The following LASP1 variants were observed in gnomAD, a reference collection of about 807,000 sequenced individuals.
LASP1 encodes the protein LIM and SH3 domain protein 1.
Under a neutral mutation model 38.6 loss-of-function variants are expected in LASP1, and 10 were observed. That is an observed-to-expected ratio of 0.26 (90% CI 0.16 to 0.44). The LOEUF (loss-of-function observed/expected upper bound fraction) is 0.44, where lower values mean the gene tolerates loss of function less well. Among genes scored for constraint, LASP1 ranks in the 20% least tolerant of loss-of-function variants. The probability of loss-of-function intolerance (pLI) is 1.00; values close to 1 mark genes in which losing one functional copy is unlikely to be tolerated. For missense variants in LASP1, 243 were observed against 375.7 expected (o/e 0.65, Z 2.92); for synonymous variants, 132 against 140.8 (o/e 0.94, Z 0.44).
At chr17:38,911,493 T>C (rs1362103441) in intron 4 of LASP1, among the ~76,000 whole-genome samples, 1 of 152,154 alleles carries the variant, frequency 6.6e-6, no homozygotes, top group Non-Finnish European at 1.5e-5. Flanking sequence ...ATGCATGAAG[T>C]GTATCAACTA....
At chr17:38,876,807 A>G (rs546341508) in intron 1 of LASP1, among the ~76,000 whole-genome samples, 7 of 148,622 alleles carry the variant, frequency 4.7e-5, no homozygotes. Context: ...GGTTCACGCC[A>G]TTCTCCTGCC....
intron 2 of LASP1, 51 bp from the exon 3 acceptor site, chr17:38,890,369 C>T: frequency 1.3e-6 from 2 of 1,536,526 alleles, no homozygotes; most frequent in African/African-American, 1.4e-5. Flanking sequence ...AGCCCAGAGG[C>T]TCCTGCCCCT....
At chr17:38,901,247 TC>T (rs1016308880) in intron 4 of LASP1, among the ~76,000 whole-genome samples, 26 of 152,198 alleles carry the variant, frequency 1.7e-4, no homozygotes, top group African/African-American at 5.8e-4. Flanking sequence ...CTCCTCTTCT[TC>T]CCTCCCCCAG....
intron 5 of LASP1, 141 bp from the exon 6 acceptor site, chr17:38,914,902 G>A (rs1314335806): frequency 8.0e-6 from 6 of 750,220 alleles, no homozygotes; most frequent in African/African-American, 7.0e-5. Context: ...ATGTGCACAC[G>A]TGGACATCAG....
intron 1 of LASP1, among the ~76,000 whole-genome samples, chr17:38,877,201 C>T (rs1913807242): frequency 6.6e-6 from 1 of 152,228 alleles, no homozygotes; most frequent in African/African-American, 2.4e-5. Flanking sequence ...GTGATTTCTC[C>T]TCAGTCCTGG....
Position 38,920,918 on chromosome 17 carries a change from T to C in LASP1, c.*2140T>C, listed in dbSNP as rs1915282237. On this transcript the variant is annotated 3_prime_UTR_variant, in exon 7 of 7. Transcript: ENST00000318008. ...ACACATCCCCTTAGAGGACCTGAGT[T>C]TGGGAGAGTGGTGAGTGGAAGGGAG... 4.3e-6 allele frequency: 1 copy of C among 232,482 alleles called. No homozygotes were observed. The highest frequency in any genetic ancestry group is 8.5e-6 in the Non-Finnish European group (1 of 117,398). The allele number at this position is 232,482 out of a possible 1,614,324, so 14.4% of individuals were successfully genotyped here.
chr17:38,919,041 CTGGAATGG>C lies in LASP1; in HGVS notation c.*264_*271del. The C allele has an allele frequency of 7.4e-5, 8 of 107,520 alleles. No homozygotes were observed. The highest frequency in any genetic ancestry group is 4.1e-4 in the Admixed American group (2 of 4,840). 6.7% of individuals were successfully genotyped at this position (107,520 alleles called of 1,614,324 possible). On this transcript the variant is annotated 3_prime_UTR_variant, in exon 7 of 7. Coordinates refer to ENST00000318008, the MANE Select transcript of LASP1 (RefSeq NM_006148.4). ...ATGGGCCTCTCTGGGGGAGGCAGGG[CTGGAATGG>C]GAGACCTGTTGGCCTGTGGGCCTCA...
intron 3 of LASP1, among the ~76,000 whole-genome samples, chr17:38,892,968 TGTGTGC>T (rs1256849853): frequency 6.6e-6 from 1 of 151,606 alleles, no homozygotes; most frequent in Non-Finnish European, 1.5e-5. Context: ...TATGTGTGTG[TGTGTGC>T]GTGTGCACGC....
chr17:38,909,419 C>G (rs759816183), intron 4 of LASP1, among the ~76,000 whole-genome samples: 1 of 151,998 alleles, frequency 6.6e-6, no homozygotes, highest in Non-Finnish European at 1.5e-5. Flanking sequence ...CCAGCCTGGC[C>G]AACATGGTAA....
intron 4 of LASP1, among the ~76,000 whole-genome samples, chr17:38,900,760 C>G (rs1457890280): frequency 6.6e-6 from 1 of 152,204 alleles, no homozygotes; most frequent in Non-Finnish European, 1.5e-5. Context: ...AGTTGGTGGC[C>G]TGAGGAAATG....
chr17:38,915,020 C>G (rs1915077011), intron 5 of LASP1, 23 bp from the exon 6 acceptor site: 1 of 1,609,680 alleles, frequency 6.2e-7, no homozygotes, highest in South Asian at 1.1e-5. Flanking sequence ...AGTTTCCAAG[C>G]CCTGTCTCCT....
intron 1 of LASP1, among the ~76,000 whole-genome samples, chr17:38,871,943 C>T (rs958708376): frequency 6.6e-6 from 1 of 152,138 alleles, no homozygotes; most frequent in African/African-American, 2.4e-5. Context: ...GTTTCGCCCG[C>T]CCCTCGTGGC....
intron 4 of LASP1, among the ~76,000 whole-genome samples, chr17:38,910,465 G>A (rs1333703150): frequency 3.7e-5 from 5 of 135,768 alleles, no homozygotes; most frequent in African/African-American, 5.6e-5. Flanking sequence ...CCCCTCCACC[G>A]CCCCCTGCCA....
chr17:38,897,108 A>C (rs1223830670), intron 3 of LASP1: 1 of 981,196 alleles, frequency 1.0e-6, no homozygotes, highest in African/African-American at 1.7e-5. Flanking sequence ...TGGTGCCTCT[A>C]TCCACTGCAT....
chr17:38,898,563 T>G (rs914506119), intron 4 of LASP1, 44 bp downstream of exon 4: 2 of 1,410,678 alleles, frequency 1.4e-6, no homozygotes, highest in Non-Finnish European at 9.8e-7. Flanking sequence ...TGCCCTCTGT[T>G]TGGTCCCCTT....
chr17:38,898,347 G>T, intron 3 of LASP1, 65 bp from the exon 4 acceptor site: 1 of 1,205,660 alleles, frequency 8.3e-7, no homozygotes, highest in Non-Finnish European at 1.2e-6. Context: ...GCCTCAGAGG[G>T]GCCCCAAGCC....
chr17:38,895,634 A>G (rs1914466180), intron 3 of LASP1, among the ~76,000 whole-genome samples: 2 of 151,988 alleles, frequency 1.3e-5, no homozygotes, highest in South Asian at 4.1e-4. Flanking sequence ...GTTTTTAAGT[A>G]ATGATCCTTC....
chr17:38,902,451 C>T (rs1449877144), intron 4 of LASP1, among the ~76,000 whole-genome samples: 2 of 149,996 alleles, frequency 1.3e-5, no homozygotes, highest in Non-Finnish European at 2.9e-5. Context: ...AAGTGATCCG[C>T]CCACCTCGGC....
intron 2 of LASP1, among the ~76,000 whole-genome samples, chr17:38,884,674 C>A (rs1042314919): frequency 6.7e-6 from 1 of 149,548 alleles, no homozygotes; most frequent in Non-Finnish European, 1.5e-5. Flanking sequence ...ACAGCGTGAG[C>A]CACCACGTCC....
Sources: allele counts gnomAD v4.1 joint callset (sites outside exome capture counted in the v4.1 genomes callset), GRCh38; gene constraint gnomAD v4.1.1; transcripts MANE v1.5; gene names NCBI Gene and HGNC (gene_info 2026-07-23, HGNC 2026-07-21).